IQSEC1: variants seen among roughly 807,000 people sequenced by gnomAD.
The protein encoded by IQSEC1 is IQ motif and Sec7 domain ArfGEF 1, also known as IQ motif and SEC7 domain-containing protein 1.
Under a neutral mutation model 91.0 loss-of-function variants are expected in IQSEC1, and 31 were observed. That is an observed-to-expected ratio of 0.34 (90% CI 0.26 to 0.46). The LOEUF (loss-of-function observed/expected upper bound fraction) is 0.46. Among genes scored for constraint, IQSEC1 ranks in the 20% least tolerant of loss-of-function variants. IQSEC1 has a pLI of 1.00. For missense variants in IQSEC1, 1,388 were observed against 1,575.6 expected, an observed-to-expected ratio of 0.88 and a Z score of 2.02; for synonymous variants, 699 against 662.6, an observed-to-expected ratio of 1.05 and a Z score of -0.84.
intron 2 of IQSEC1, among the ~76,000 whole-genome samples, chr3:12,938,692 A>G (rs1339040532): frequency 6.6e-6 from 1 of 151,790 alleles, no homozygotes; most frequent in Non-Finnish European, 1.5e-5. Context: ...CCCTCACTGT[A>G]CTTTGTGGGC....
intron 1 of IQSEC1, among the ~76,000 whole-genome samples, chr3:13,261,616 G>A (rs888828727): frequency 4.6e-5 from 7 of 151,598 alleles, no homozygotes; most frequent in African/African-American, 1.2e-4. Flanking sequence ...GTCATCACAT[G>A]TGCTGCAAGG....
At chr3:13,160,999 C>A (rs893322777) in intron 2 of IQSEC1, among the ~76,000 whole-genome samples, 3 of 152,202 alleles carry the variant, frequency 2.0e-5, no homozygotes, top group African/African-American at 4.8e-5. Flanking sequence ...ACCCTGTCAG[C>A]CCCAGCTCCC....
rs1258737916 is a variant in IQSEC1, at chr3:12,911,748, G to C, written c.2317-20C>G. On this transcript the variant is annotated intron_variant, in intron 9 of 13. Coordinates refer to ENST00000613206, the MANE Select transcript of IQSEC1 (RefSeq NM_001134382.3). ...GGTGACCTAGAGGCAGCCAGAGACA[G>C]AGCTGAGCTACAGTGTCTCGGGGGG... 1 of 1,547,000 alleles carries C rather than the reference G, an allele frequency of 6.5e-7. No homozygotes were observed. The highest frequency in any genetic ancestry group is 1.7e-5 in the Admixed American group (1 of 59,954).
At chr3:13,132,863 G>A (rs1292567147) in intron 2 of IQSEC1, among the ~76,000 whole-genome samples, 3 of 152,148 alleles carry the variant, frequency 2.0e-5, no homozygotes, top group East Asian at 1.9e-4. Flanking sequence ...TGTTACAAGC[G>A]GAGACTTCCT....
Position 12,900,857 on chromosome 3 carries a change from G to T in IQSEC1, c.*126C>A. 6.5e-7 allele frequency: 1 copy of T among 1,528,952 alleles called. No individual in the cohort carries two copies. Among genetic ancestry groups the T allele is most frequent in the South Asian group, 1.2e-5 (1 of 82,546 alleles). The allele number at this position is 1,528,952 out of a possible 1,614,324, so 94.7% of individuals were successfully genotyped here. Reference sequence around the variant, plus strand: ...GGGCTCCTGGGGCTCCGGTTGGGCCGTGAGGGGCAGAGGGGAGAGATGGCA... The same window carrying T: ...GGGCTCCTGGGGCTCCGGTTGGGCCTTGAGGGGCAGAGGGGAGAGATGGCA... On this transcript the variant is annotated 3_prime_UTR_variant, in exon 14 of 14. Transcript: ENST00000613206.
At chr3:13,029,079 G>A (rs543097810) in intron 1 of IQSEC1, among the ~76,000 whole-genome samples, 1 of 152,334 alleles carries the variant, frequency 6.6e-6, no homozygotes, top group East Asian at 1.9e-4. Flanking sequence ...ACTGTGTAAA[G>A]CTATATAGAA....
chr3:12,899,791 C>T lies in IQSEC1; in HGVS notation c.*1192G>A. On this transcript the variant is annotated 3_prime_UTR_variant, in exon 14 of 14. Coordinates refer to ENST00000613206, the MANE Select transcript of IQSEC1 (RefSeq NM_001134382.3). ...TCGAGAGTGGTTCCTGATGAAAACA[C>T]TCTCTGAGGGCTTCGGCCTGGTGTG... The T allele has an allele frequency of 1.0e-6, 1 of 975,882 alleles. No individual in the cohort carries two copies. The highest frequency in any genetic ancestry group is 1.2e-6 in the Non-Finnish European group (1 of 821,872). 60.5% of individuals were successfully genotyped at this position (975,882 alleles called of 1,614,324 possible). A position where few individuals can be genotyped will look rare whatever the true frequency, so the allele number is the denominator to read the frequency against.
At position 12,901,198 on chromosome 3, in the gene IQSEC1, G is replaced by A; in HGVS notation, c.3130C>T (p.His1044Tyr). ...ATGTGCTGGGGTGGGTGGTGGTGGTGGTGATGGTGGTACGGGGGAGGGTTC... is the reference window on the plus strand; with the variant it reads ...ATGTGCTGGGGTGGGTGGTGGTGGTAGTGATGGTGGTACGGGGGAGGGTTC... ...MQNPPPYHHH[H>Y]HHHPPQHIQH... is the part of the protein sequence containing the mutation. The change falls in exon 14 of 14, where the codon CAC becomes TAC. Residue 1044 changes from histidine (H) to tyrosine (Y), a missense_variant. This residue lies in a region of IQSEC1 where 329 missense variants were observed against 257.8 expected (regional missense o/e 1.28). Transcript: ENST00000613206. The A allele has an allele frequency of 1.3e-6, 2 of 1,545,044 alleles. No individual in the cohort carries two copies. The highest frequency in any genetic ancestry group is 8.7e-7 in the Non-Finnish European group (1 of 1,143,910).
intron 1 of IQSEC1, among the ~76,000 whole-genome samples, chr3:13,276,771 A>T (rs895205929): frequency 4.6e-5 from 7 of 152,314 alleles, no homozygotes; most frequent in South Asian, 4.1e-4. Context: ...GGCCCGGTGC[A>T]TCCTGCTGGA....
At chr3:13,045,012 CTGTCTG>C (rs1292369100) in intron 1 of IQSEC1, among the ~76,000 whole-genome samples, 1 of 152,244 alleles carries the variant, frequency 6.6e-6, no homozygotes, top group East Asian at 1.9e-4. Flanking sequence ...GATCCTGGCC[CTGTCTG>C]TGTCTGAGGC....
chr3:12,969,307 G>C (rs1003934003), intron 1 of IQSEC1, among the ~76,000 whole-genome samples: 31 of 152,054 alleles, frequency 2.0e-4, no homozygotes, highest in African/African-American at 6.8e-4. Flanking sequence ...TCTACAAGTG[G>C]CCAATAAGCC....
intron 1 of IQSEC1, among the ~76,000 whole-genome samples, chr3:13,014,151 G>A (rs1703011396): frequency 6.6e-6 from 1 of 152,180 alleles, no homozygotes; most frequent in South Asian, 2.1e-4. Flanking sequence ...ACCTCTTGGG[G>A]TCCTTGGGCC....
In IQSEC1 at chr3:12,908,598, T is replaced by C; in HGVS notation, c.2579-73A>G. On this transcript the variant is annotated intron_variant, in intron 11 of 13. Transcript: ENST00000613206. The surrounding 1 kb of genome is among the most constrained non-coding windows in gnomAD (Gnocchi z 4.9). ...GTGGGCAGGAGACGGGGCCTTCTGC[T>C]TGGAGCTAGCACTGTCCTGAGCCAC... is the stretch of plus-strand genomic sequence containing the variant. The C allele has an allele frequency of 6.6e-7, 1 of 1,513,052 alleles. No homozygotes were observed. Among genetic ancestry groups the C allele is most frequent in the Non-Finnish European group, 9.1e-7 (1 of 1,097,170 alleles). 93.7% of individuals were successfully genotyped at this position (1,513,052 alleles called of 1,614,324 possible). A position where few individuals can be genotyped will look rare whatever the true frequency, so the allele number is the denominator to read the frequency against.
Position 12,941,878 on chromosome 3 carries a change from G to C in IQSEC1, c.24-13C>G. On this transcript the variant is annotated splice_polypyrimidine_tract_variant and intron_variant, in intron 1 of 13. Coordinates refer to ENST00000613206, the MANE Select transcript of IQSEC1 (RefSeq NM_001134382.3). ...CTCGCCCTCGACGCTGCAGAGGAGA[G>C]AGAGGTGAGAAGCTTCTGGTAAGCG... is the stretch of plus-strand genomic sequence containing the variant. The C allele has an allele frequency of 6.4e-7, 1 of 1,569,768 alleles. No homozygotes were observed. Among genetic ancestry groups the C allele is most frequent in the Non-Finnish European group, 8.6e-7 (1 of 1,156,188 alleles).
At chr3:13,244,039 G>C (rs1185740696) in intron 1 of IQSEC1, among the ~76,000 whole-genome samples, 1 of 151,450 alleles carries the variant, frequency 6.6e-6, no homozygotes, top group Non-Finnish European at 1.5e-5. Flanking sequence ...CTCTGTGCCA[G>C]GCCACCATTT....
intron 1 of IQSEC1, among the ~76,000 whole-genome samples, chr3:12,974,324 G>A (rs140192454): frequency 5.3e-4 from 81 of 152,336 alleles, no homozygotes; most frequent in Non-Finnish European, 6.6e-4. Context: ...GGTGACCAAT[G>A]TAACCCCTGC....
intron 1 of IQSEC1, chr3:13,047,592 T>G: frequency 2.4e-6 from 2 of 816,568 alleles, no homozygotes; most frequent in Non-Finnish European, 3.0e-6. Flanking sequence ...GGGGGCCATG[T>G]CCACTCAGGC....
intron 1 of IQSEC1, among the ~76,000 whole-genome samples, chr3:13,254,197 G>A (rs1027434799): frequency 6.6e-6 from 1 of 152,210 alleles, no homozygotes; most frequent in African/African-American, 2.4e-5. Context: ...CACCCACATC[G>A]GCGTGCAGCC....
intron 2 of IQSEC1, among the ~76,000 whole-genome samples, chr3:13,080,834 C>A (rs1005092799): frequency 1.3e-5 from 2 of 152,164 alleles, no homozygotes; most frequent in African/African-American, 4.8e-5. Context: ...CAGGCCCTGC[C>A]CTCCTCCCCG....
Sources: allele counts gnomAD v4.1 joint callset (sites outside exome capture counted in the v4.1 genomes callset), GRCh38; gene constraint gnomAD v4.1.1; regional missense constraint gnomAD v4.1.1; non-coding constraint Gnocchi (gnomAD v3.1); transcripts MANE v1.5; gene names NCBI Gene and HGNC (gene_info 2026-07-23, HGNC 2026-07-21).